The following CLOCK variants were observed in gnomAD, a reference collection of about 807,000 sequenced individuals.
CLOCK encodes clock circadian regulator.
A neutral mutation model predicts 118.4 loss-of-function variants in CLOCK; 43 were observed. The ratio of observed to expected loss-of-function variants is 0.36; its 90% CI spans 0.28 to 0.47. The LOEUF (loss-of-function observed/expected upper bound fraction) is 0.47, where lower values mean the gene tolerates loss of function less well. Ranked by LOEUF, CLOCK falls within the 20% of genes least tolerant of loss-of-function variation. The pLI, the probability that CLOCK is intolerant of heterozygous loss-of-function variation, is 1.00. For synonymous variants in CLOCK, 326 were observed against 339.2 expected (o/e 0.96, Z 0.43); for missense variants, 846 against 999.9 (o/e 0.85, Z 2.08).
At chr4:55,435,676 C>T in intron 22 of CLOCK, 82 bp from the exon 23 acceptor site, 2 of 1,398,136 alleles carry the variant, frequency 1.4e-6, no homozygotes, top group Non-Finnish European at 1.0e-6. Context: ...CTCCCCTGTC[C>T]ATAGGGACAA....
Position 55,449,963 on chromosome 4 carries a change from TTAC to T in CLOCK, c.1348+125_1348+127del, listed in dbSNP as rs1031322704. ...ATGTCCCTTTAACTCACTGGAAAGG[TTAC>T]TACATTTCAGAAATGTAAAAACTTA... is the stretch of plus-strand genomic sequence containing the variant. On this transcript the variant is annotated intron_variant, in intron 16 of 22. Coordinates refer to ENST00000513440, the MANE Select transcript of CLOCK (RefSeq NM_004898.4). 3 of 1,159,206 alleles carry T rather than the reference TTAC, an allele frequency of 2.6e-6. No individual in the cohort carries two copies. In the Admixed American group the frequency reaches 6.3e-5, roughly 24 times the overall value. 71.8% of individuals were successfully genotyped at this position (1,159,206 alleles called of 1,614,324 possible).
chr4:55,452,942 A>G (rs1724596845), intron 15 of CLOCK, 112 bp downstream of exon 15: 1 of 770,616 alleles, frequency 1.3e-6, no homozygotes, highest in Middle Eastern at 3.7e-4. Flanking sequence ...CATCCCCGTT[A>G]TAAGTGAGGA....
At chr4:55,464,694 A>G (rs1261923827) in intron 8 of CLOCK, among the ~76,000 whole-genome samples, 2 of 152,238 alleles carry the variant, frequency 1.3e-5, no homozygotes, top group African/African-American at 4.8e-5. Flanking sequence ...TATTTTATGC[A>G]TCTGTGAAGA....
At chr4:55,479,591 T>C (rs374447437) in intron 5 of CLOCK, 49 bp downstream of exon 5, 3 of 1,355,626 alleles carry the variant, frequency 2.2e-6, no homozygotes, top group Admixed American at 1.7e-5. Flanking sequence ...TACCATTATA[T>C]TTATCTATTA....
intron 8 of CLOCK, among the ~76,000 whole-genome samples, chr4:55,468,226 T>G (rs1577734890): frequency 6.6e-6 from 1 of 152,116 alleles, no homozygotes. Flanking sequence ...TCTGAAAGCA[T>G]TAGCATTAAA....
intron 7 of CLOCK, 35 bp from the exon 8 acceptor site, chr4:55,470,841 GAA>G (rs1560439894): frequency 6.9e-7 from 1 of 1,444,566 alleles, no homozygotes; most frequent in South Asian, 1.2e-5. Flanking sequence ...TAAATGAAAA[GAA>G]AAAAGTATTT....
chr4:55,526,427 A>G (rs1394810896), intron 1 of CLOCK, among the ~76,000 whole-genome samples: 1 of 152,206 alleles, frequency 6.6e-6, no homozygotes, highest in African/African-American at 2.4e-5. Context: ...ACAACCACAT[A>G]TCATGATATA....
At chr4:55,478,330 T>C (rs1454565598) in intron 6 of CLOCK, among the ~76,000 whole-genome samples, 2 of 152,124 alleles carry the variant, frequency 1.3e-5, no homozygotes, top group African/African-American at 4.8e-5. Flanking sequence ...AGCTTTTTCC[T>C]TTCTTTCAAA....
intron 1 of CLOCK, among the ~76,000 whole-genome samples, chr4:55,521,514 G>A (rs1287754043): frequency 6.6e-6 from 1 of 152,170 alleles, no homozygotes; most frequent in Non-Finnish European, 1.5e-5. Flanking sequence ...CAACACACCT[G>A]GCTCAAATTA....
intron 1 of CLOCK, among the ~76,000 whole-genome samples, chr4:55,522,594 T>TA (rs1200610898): frequency 2.0e-5 from 3 of 152,062 alleles, no homozygotes; most frequent in Non-Finnish European, 4.4e-5. Flanking sequence ...ATAGGTAACT[T>TA]AAACAGGTAT....
chr4:55,494,672 T>G (rs560446906), intron 2 of CLOCK, among the ~76,000 whole-genome samples: 124 of 152,222 alleles, frequency 8.1e-4, no homozygotes, highest in African/African-American at 2.8e-3. Flanking sequence ...AAAGAACTTA[T>G]CCATGTAACC....
chr4:55,435,151 C>G lies in CLOCK; in HGVS notation c.*264G>C, dbSNP rs1292178517. 1 of 475,706 alleles carries G rather than the reference C, an allele frequency of 2.1e-6. No homozygotes were observed. The highest frequency in any genetic ancestry group is 2.0e-5 in the African/African-American group (1 of 51,024). 29.5% of individuals were successfully genotyped at this position (475,706 alleles called of 1,614,324 possible). ...GCTTCTTAATATTTGGCAATATATTCTTTTTCCATCAAAAAATATCCAGGC... is the reference window on the plus strand; with the variant it reads ...GCTTCTTAATATTTGGCAATATATTGTTTTTCCATCAAAAAATATCCAGGC... On this transcript the variant is annotated 3_prime_UTR_variant, in exon 23 of 23. Transcript: ENST00000513440.
chr4:55,521,891 T>A (rs1577848498), intron 1 of CLOCK, among the ~76,000 whole-genome samples: 2 of 152,172 alleles, frequency 1.3e-5, no homozygotes, highest in African/African-American at 4.8e-5. Context: ...ATAGCTACAA[T>A]AATTTGAAGA....
At chr4:55,514,348 C>G (rs1260593720) in intron 1 of CLOCK, among the ~76,000 whole-genome samples, 2 of 152,088 alleles carry the variant, frequency 1.3e-5, no homozygotes, top group African/African-American at 4.8e-5. Flanking sequence ...GTTATGTCCC[C>G]TTACCTCTTT....
At chr4:55,479,156 T>A (rs1577760301) in intron 5 of CLOCK, 193 bp from the exon 6 acceptor site, 1 of 471,566 alleles carries the variant, frequency 2.1e-6, no homozygotes, top group East Asian at 3.5e-5. Context: ...AAAGAAAATT[T>A]TACAAATCAT....
intron 1 of CLOCK, among the ~76,000 whole-genome samples, chr4:55,524,246 A>C (rs11133396): frequency 0.34 from 51,191 of 151,564 alleles, 9,315 homozygotes; most frequent in East Asian, 0.58. Flanking sequence ...CACACACACA[A>C]AAAAAATTAG....
intron 1 of CLOCK, among the ~76,000 whole-genome samples, chr4:55,541,632 C>T (rs917864539): frequency 6.6e-6 from 1 of 152,072 alleles, no homozygotes; most frequent in African/African-American, 2.4e-5. Context: ...AAACAATTTT[C>T]TTTTAATATT....
chr4:55,478,519 A>G (rs17722870), intron 6 of CLOCK, among the ~76,000 whole-genome samples: 37,449 of 152,034 alleles, frequency 0.25, 4,949 homozygotes, highest in South Asian at 0.37. Context: ...TTTTTGCTGC[A>G]AACAGTTTAC....
rs1225203326 is a variant in CLOCK, at chr4:55,509,964, A to G, written c.-188T>C. The G allele has an allele frequency of 1.3e-5, 2 of 152,204 alleles. No individual in the cohort carries two copies. The highest frequency in any genetic ancestry group is 2.9e-5 in the Non-Finnish European group (2 of 68,036). The allele number at this position is 152,204 out of a possible 1,614,324, so 9.4% of individuals were successfully genotyped here. On this transcript the variant is annotated 5_prime_UTR_variant, in exon 2 of 23. An upstream open reading frame in the 5' UTR loses its in-frame stop. Transcript: ENST00000513440. ...TATCTAGTGAGACTTGCCAAGTTCT[A>G]AAGATTCATTTAAGAGGACTGTAGA...
Sources: gnomAD v4.1 joint callset for allele counts (sites outside exome capture counted in the v4.1 genomes callset) on GRCh38, gnomAD v4.1.1 for gene constraint, MANE v1.5 for transcripts, NCBI Gene and HGNC (gene_info 2026-07-23, HGNC 2026-07-21) for gene names.